The following SAMD12 variants were observed in gnomAD, a reference collection of about 807,000 sequenced individuals.
SAMD12 encodes the protein sterile alpha motif domain-containing protein 12.
A neutral mutation model predicts 15.0 loss-of-function variants in SAMD12; 9 were observed. The ratio of observed to expected loss-of-function variants is 0.60; its 90% confidence interval spans 0.36 to 1.05. The LOEUF (loss-of-function observed/expected upper bound fraction) is 1.05. Ranked by LOEUF, SAMD12 falls within the 50% of genes least tolerant of loss-of-function variation. The pLI, the probability that SAMD12 is intolerant of heterozygous loss-of-function variation, is 0.01. For synonymous variants in SAMD12, 86 were observed against 90.1 expected (o/e 0.96, Z 0.25); for missense variants, 230 against 234.2 (o/e 0.98, Z 0.12).
At chr8:118,339,126 T>C (rs10216898) in intron 4 of SAMD12, among the ~76,000 whole-genome samples, 1,877 of 152,202 alleles carry the variant, frequency 0.012, 43 homozygotes, top group African/African-American at 0.043. Context: ...AGCCAGGAGT[T>C]TGAGACCAGC....
chr8:118,320,677 G>GC (rs1236423255), intron 4 of SAMD12, among the ~76,000 whole-genome samples: 23 of 148,006 alleles, frequency 1.6e-4, no homozygotes, highest in African/African-American at 4.3e-4. Flanking sequence ...TGGGGTGGGG[G>GC]GGGTGGGGAG....
chr8:118,161,914 C>T, the SAMD12 span, among the ~76,000 whole-genome samples: 1 of 151,834 alleles, frequency 6.6e-6, no homozygotes, highest in Non-Finnish European at 1.5e-5. Context: ...AATCCCAGCA[C>T]TTTGGGAGGC....
Position 118,422,033 on chromosome 8 carries a change from G to C in SAMD12, c.322+17799C>G, listed in dbSNP as rs77072439. On this transcript the variant is annotated intron_variant, in intron 3 of 3. Coordinates refer to ENST00000314727, the MANE Select transcript of SAMD12 (RefSeq NM_207506.3). The stretch of plus-strand genomic sequence containing the variant: ...ATGTAAGTGTAAGAAGTTGCAGATA[G>C]GGAAGTATAGGATGAGCTTCATGAA... Among the ~76,000 whole-genome samples, 12 of 152,316 alleles carry C rather than the reference G, an allele frequency of 7.9e-5. No homozygotes were observed. The East Asian group carries it at 2.3e-3, about 29-fold the overall frequency.
intron 4 of SAMD12, among the ~76,000 whole-genome samples, chr8:118,353,461 G>T (rs1818062948): frequency 6.6e-6 from 1 of 151,938 alleles, no homozygotes; most frequent in South Asian, 2.1e-4. Flanking sequence ...AGAGACAGAA[G>T]AGAAATTCCT....
chr8:118,555,115 C>T (rs1215719410), intron 2 of SAMD12, among the ~76,000 whole-genome samples: 2 of 152,068 alleles, frequency 1.3e-5, no homozygotes, highest in Non-Finnish European at 2.9e-5. Flanking sequence ...GGGTAATATC[C>T]ATCTGTTATT....
At chr8:118,312,000 A>G (rs1305110841) in intron 4 of SAMD12, among the ~76,000 whole-genome samples, 2 of 151,918 alleles carry the variant, frequency 1.3e-5, no homozygotes, top group Non-Finnish European at 2.9e-5. Flanking sequence ...CCATCCTGTG[A>G]TTCTTCTCAT....
chr8:118,591,090 C>T (rs1164250035), intron 1 of SAMD12, among the ~76,000 whole-genome samples: 3 of 152,136 alleles, frequency 2.0e-5, no homozygotes, highest in African/African-American at 7.2e-5. Flanking sequence ...GAAATGTTCT[C>T]CACCTTGCTT....
At chr8:118,225,160 A>G (rs958132009) in intron 4 of SAMD12, among the ~76,000 whole-genome samples, 2 of 152,172 alleles carry the variant, frequency 1.3e-5, no homozygotes, top group Non-Finnish European at 2.9e-5. Flanking sequence ...AAAATAGTAA[A>G]AGTAGTTCTC....
chr8:118,558,890 C>T (rs1483991571), intron 2 of SAMD12, among the ~76,000 whole-genome samples: 1 of 152,150 alleles, frequency 6.6e-6, no homozygotes, highest in African/African-American at 2.4e-5. Context: ...AGAAGTGGAT[C>T]AGGCTTGAGG....
chr8:118,178,305 G>C, the SAMD12 span, among the ~76,000 whole-genome samples: 1 of 152,062 alleles, frequency 6.6e-6, no homozygotes, highest in East Asian at 1.9e-4. Context: ...GAAGCTTAAA[G>C]ACCATAGACA....
intron 1 of SAMD12, among the ~76,000 whole-genome samples, chr8:118,612,400 A>T (rs991773207): frequency 2.0e-5 from 3 of 152,220 alleles, no homozygotes; most frequent in Non-Finnish European, 4.4e-5. Context: ...GGCTATATCC[A>T]TGCTTGATGT....
At position 118,379,034 on chromosome 8, in the gene SAMD12, T is replaced by C; in HGVS notation, c.*383A>G. ...TGTGTGTGTATAATACATTCATGTA[T>C]AGTAATACATATCTAAAATGTTTTT... On this transcript the variant is annotated 3_prime_UTR_variant, in exon 4 of 4. Coordinates refer to ENST00000314727, the MANE Select transcript of SAMD12 (RefSeq NM_207506.3). The C allele has an allele frequency of 2.9e-6, 3 of 1,024,008 alleles. No homozygotes were observed. Among genetic ancestry groups the C allele is most frequent in the Non-Finnish European group, 3.5e-6 (3 of 850,338 alleles). 63.4% of individuals were successfully genotyped at this position (1,024,008 alleles called of 1,614,324 possible). A position where few individuals can be genotyped will look rare whatever the true frequency, so the allele number is the denominator to read the frequency against.
the SAMD12 span, among the ~76,000 whole-genome samples, chr8:118,179,015 G>C: frequency 6.6e-6 from 1 of 152,182 alleles, no homozygotes; most frequent in African/African-American, 2.4e-5. Flanking sequence ...CCAGGGGGTT[G>C]GGTGGGCATC....
chr8:118,223,765 T>C (rs1812130589), intron 4 of SAMD12, among the ~76,000 whole-genome samples: 1 of 152,228 alleles, frequency 6.6e-6, no homozygotes, highest in East Asian at 1.9e-4. Flanking sequence ...ATTCATTTTA[T>C]AGCATAATAA....
the SAMD12 span, among the ~76,000 whole-genome samples, chr8:118,141,960 G>A: frequency 6.6e-6 from 1 of 152,176 alleles, no homozygotes; most frequent in South Asian, 2.1e-4. Flanking sequence ...GTTATCAAAG[G>A]CATATGTTCT....
At chr8:118,449,112 G>A (rs1289308605) in intron 2 of SAMD12, among the ~76,000 whole-genome samples, 1 of 150,422 alleles carries the variant, frequency 6.6e-6, no homozygotes, top group African/African-American at 2.5e-5. Context: ...ATCCAGGCTG[G>A]AGTGCAATGG....
chr8:118,290,909 T>G (rs142913745), intron 4 of SAMD12, among the ~76,000 whole-genome samples: 20 of 152,280 alleles, frequency 1.3e-4, no homozygotes, highest in African/African-American at 4.3e-4. Flanking sequence ...ATTTACTAAA[T>G]GCATGCCTTT....
chr8:118,483,356 C>T (rs1036422344), intron 2 of SAMD12, among the ~76,000 whole-genome samples: 5 of 152,112 alleles, frequency 3.3e-5, no homozygotes, highest in Non-Finnish European at 5.9e-5. Flanking sequence ...GATTTGTACA[C>T]CAAAAAAGAC....
In SAMD12 at chr8:118,294,779, G is replaced by A. The variant is rs150860317; in HGVS notation, c.433+84781C>T. Among the ~76,000 whole-genome samples the A allele has an allele frequency of 9.9e-5, 15 of 152,240 alleles. No individual in the cohort carries two copies. In the East Asian group the frequency reaches 1.5e-3, roughly 16 times the overall value. On this transcript the variant is annotated intron_variant, in intron 4 of 4. Transcript: ENST00000409003. Reference sequence around the variant, plus strand: ...GTCATGCAACGAAAAGTGATACTTCGTACATCCTTTCTCCTGTTATGTGCT... The same window carrying A: ...GTCATGCAACGAAAAGTGATACTTCATACATCCTTTCTCCTGTTATGTGCT...
Sources: gnomAD v4.1 joint callset for allele counts (sites outside exome capture counted in the v4.1 genomes callset) on GRCh38, gnomAD v4.1.1 for gene constraint, MANE v1.5 for transcripts, NCBI Gene and HGNC (gene_info 2026-07-23, HGNC 2026-07-21) for gene names.